KANK1: variants seen among roughly 807,000 people sequenced by gnomAD.
KANK1 encodes the protein KN motif and ankyrin repeat domains 1.
Under a neutral mutation model 106.2 loss-of-function variants are expected in KANK1, and 109 were observed. The observed-to-expected ratio is 1.03, with a 90% confidence interval of 0.88 to 1.20. The LOEUF is 1.20. KANK1 is among the 50% of genes most tolerant of loss of function. The probability of loss-of-function intolerance (pLI) is 0.00; values close to 1 mark genes in which losing one functional copy is unlikely to be tolerated. For synonymous variants in KANK1, 873 were observed against 652.2 expected (o/e 1.34, Z -5.16); for missense variants, 2,399 against 1,710.7 (o/e 1.40, Z -7.10).
intron 1 of KANK1, among the ~76,000 whole-genome samples, chr9:651,244 G>A (rs1283889994): frequency 1.3e-5 from 2 of 152,178 alleles, no homozygotes; most frequent in Non-Finnish European, 2.9e-5. Flanking sequence ...AACAAGTGGT[G>A]TGTTAATACA....
intron 5 of KANK1, 190 bp downstream of exon 5, chr9:731,456 A>C: frequency 2.1e-6 from 1 of 473,894 alleles, no homozygotes; most frequent in Non-Finnish European, 3.9e-6. Flanking sequence ...AGGATTTGTC[A>C]CTCTCTTAAG....
intron 1 of KANK1, among the ~76,000 whole-genome samples, chr9:516,699 A>T (rs1014361256): frequency 4.0e-5 from 6 of 151,346 alleles, no homozygotes; most frequent in Admixed American, 6.6e-5. Context: ...GTGGGAGGGG[A>T]GTTACTAGGT....
chr9:582,998 T>C (rs981640732), intron 1 of KANK1, among the ~76,000 whole-genome samples: 7 of 152,328 alleles, frequency 4.6e-5, no homozygotes, highest in Non-Finnish European at 8.8e-5. Context: ...TTTTTTGATA[T>C]CAGAATGACA....
chr9:650,356 G>C (rs1220063751), intron 1 of KANK1, among the ~76,000 whole-genome samples: 1 of 152,172 alleles, frequency 6.6e-6, no homozygotes, highest in East Asian at 1.9e-4. Flanking sequence ...AACATTTTTA[G>C]TGCGATTCCT....
At chr9:567,322 C>G (rs750179421) in intron 1 of KANK1, among the ~76,000 whole-genome samples, 1 of 152,110 alleles carries the variant, frequency 6.6e-6, no homozygotes, top group Non-Finnish European at 1.5e-5. Context: ...CCTTCTATGC[C>G]TACATCTTAG....
chr9:669,088 C>T (rs1845325733), intron 1 of KANK1, among the ~76,000 whole-genome samples: 1 of 152,162 alleles, frequency 6.6e-6, no homozygotes, highest in Admixed American at 6.5e-5. Flanking sequence ...AACCCTCCAT[C>T]TTTAATTCCA....
intron 6 of KANK1, chr9:732,929 T>A (rs905560960): frequency 3.0e-5 from 6 of 202,884 alleles, no homozygotes; most frequent in African/African-American, 1.1e-4. Flanking sequence ...TTAAAGACAT[T>A]TTAATTTTTT....
At chr9:671,030 G>A (rs954930850) in intron 1 of KANK1, among the ~76,000 whole-genome samples, 1 of 143,768 alleles carries the variant, frequency 7.0e-6, no homozygotes, top group Non-Finnish European at 1.5e-5. Context: ...AGTTCTGAGA[G>A]ATTGCTGGTG....
intron 1 of KANK1, among the ~76,000 whole-genome samples, chr9:632,074 C>T (rs10815384): frequency 0.15 from 22,506 of 152,178 alleles, 1,827 homozygotes; most frequent in Admixed American, 0.17. Flanking sequence ...TAGCCTTTAA[C>T]AGTCACTTAA....
intron 1 of KANK1, among the ~76,000 whole-genome samples, chr9:654,283 C>A (rs1244237292): frequency 6.6e-6 from 1 of 151,908 alleles, no homozygotes; most frequent in Non-Finnish European, 1.5e-5. Context: ...AAACAGTGGC[C>A]CAGAGAATAA....
intron 1 of KANK1, among the ~76,000 whole-genome samples, chr9:665,335 T>C (rs1447069801): frequency 6.6e-6 from 1 of 152,204 alleles, no homozygotes; most frequent in Non-Finnish European, 1.5e-5. Flanking sequence ...TTGTATTTGA[T>C]ATTTGTACAT....
At chr9:546,584 A>T (rs890955456) in intron 1 of KANK1, among the ~76,000 whole-genome samples, 4 of 152,018 alleles carry the variant, frequency 2.6e-5, no homozygotes, top group Admixed American at 2.6e-4. Context: ...CTACCTCTCT[A>T]CCATAGAACT....
intron 1 of KANK1, among the ~76,000 whole-genome samples, chr9:508,499 A>T (rs1402136721): frequency 6.6e-6 from 1 of 152,232 alleles, no homozygotes. Context: ...TAAACATATA[A>T]CAAGTACTCA....
intron 1 of KANK1, among the ~76,000 whole-genome samples, chr9:565,125 A>G (rs1011741007): frequency 2.0e-5 from 3 of 152,230 alleles, no homozygotes; most frequent in Non-Finnish European, 2.9e-5. Context: ...ATACCTATAT[A>G]TTTTGAAGAC....
At chr9:507,945 A>G (rs924709037) in intron 1 of KANK1, among the ~76,000 whole-genome samples, 1 of 150,814 alleles carries the variant, frequency 6.6e-6, no homozygotes, top group African/African-American at 2.4e-5. Context: ...CAGCCTCCCA[A>G]AGTGCTGAGG....
intron 2 of KANK1, chr9:706,719 T>C (rs747739223): frequency 2.4e-4 from 221 of 932,112 alleles, no homozygotes; most frequent in Admixed American, 3.1e-4. Flanking sequence ...CCACGTGTCA[T>C]AAGCCCAGGG....
intron 1 of KANK1, among the ~76,000 whole-genome samples, chr9:668,552 C>T (rs1409107191): frequency 6.6e-6 from 1 of 152,102 alleles, no homozygotes; most frequent in African/African-American, 2.4e-5. Flanking sequence ...TCTTCTCCTC[C>T]TTTCTTCCTG....
intron 1 of KANK1, among the ~76,000 whole-genome samples, chr9:592,347 G>T (rs548261660): frequency 6.6e-6 from 1 of 151,912 alleles, no homozygotes; most frequent in Non-Finnish European, 1.5e-5. Context: ...AGCCGGGGGA[G>T]GGGGAACCAT....
rs577207206 is a variant in KANK1 at position 678,236 on chromosome 9, G to C, written c.37+1227G>C. On this transcript the variant is annotated intron_variant, in intron 2 of 11. Coordinates refer to ENST00000382297, the MANE Select transcript of KANK1 (RefSeq NM_015158.5). ...CTTTTATAGATTCTGCTGTGGGACT[G>C]CTATCAATAATAAAGACATGAATGA... Among the ~76,000 whole-genome samples, 3 of 152,230 alleles carry C rather than the reference G, an allele frequency of 2.0e-5. No homozygotes were observed. In the East Asian group the frequency reaches 5.8e-4, roughly 29 times the overall value.
Sources: allele counts gnomAD v4.1 joint callset (sites outside exome capture counted in the v4.1 genomes callset), GRCh38; gene constraint gnomAD v4.1.1; transcripts MANE v1.5; gene names NCBI Gene and HGNC (gene_info 2026-07-23, HGNC 2026-07-21).